Variants in ICA1L observed in about 807,000 individuals in gnomAD.
ICA1L encodes islet cell autoantigen 1-like protein.
Under a neutral mutation model 61.3 loss-of-function variants are expected in ICA1L, and 50 were observed. The ratio of observed to expected loss-of-function variants is 0.82; its 90% CI spans 0.65 to 1.03. The LOEUF is 1.03. Ranked by LOEUF, ICA1L falls within the 50% of genes least tolerant of loss-of-function variation. The probability of loss-of-function intolerance (pLI) is 0.00; values close to 1 mark genes in which losing one functional copy is unlikely to be tolerated. For synonymous variants in ICA1L, 161 were observed against 191.3 expected, an observed-to-expected ratio of 0.84 and a Z score of 1.31; for missense variants, 508 against 556.7, an observed-to-expected ratio of 0.91 and a Z score of 0.88.
intron 1 of ICA1L, among the ~76,000 whole-genome samples, chr2:202,868,668 C>T (rs771053183): frequency 6.6e-6 from 1 of 152,114 alleles, no homozygotes; most frequent in African/African-American, 2.4e-5. Context: ...TGACAGAATA[C>T]TATATAAAAC....
intron 1 of ICA1L, among the ~76,000 whole-genome samples, chr2:202,850,817 CA>C (rs1694595183): frequency 6.6e-6 from 1 of 152,008 alleles, no homozygotes; most frequent in East Asian, 1.9e-4. Context: ...TCAAGAAGAG[CA>C]ACCCCAAGAC....
At chr2:202,801,652 G>C (rs755245688) in intron 9 of ICA1L, among the ~76,000 whole-genome samples, 2 of 152,182 alleles carry the variant, frequency 1.3e-5, no homozygotes, top group African/African-American at 2.4e-5. Context: ...GGACTTGTTA[G>C]AAGTAAACAA....
intron 9 of ICA1L, among the ~76,000 whole-genome samples, chr2:202,804,796 A>G (rs1441750981): frequency 6.6e-6 from 1 of 152,228 alleles, no homozygotes; most frequent in Non-Finnish European, 1.5e-5. Context: ...AATTCAAATA[A>G]TTAGTGTCAT....
intron 9 of ICA1L, among the ~76,000 whole-genome samples, chr2:202,799,782 G>A (rs528647850): frequency 3.3e-5 from 5 of 151,464 alleles, no homozygotes; most frequent in African/African-American, 1.2e-4. Flanking sequence ...ATTTTGAGTT[G>A]ATTTTGTATA....
At chr2:202,855,854 T>C (rs1694751938) in intron 1 of ICA1L, among the ~76,000 whole-genome samples, 1 of 151,944 alleles carries the variant, frequency 6.6e-6, no homozygotes, top group South Asian at 2.1e-4. Context: ...GGCGGGCAGA[T>C]CACAAGGTCA....
In ICA1L at chr2:202,787,748, T is replaced by G. The variant is rs114348006; in HGVS notation, c.1243+1082A>C. 3.7e-3 allele frequency among the ~76,000 whole-genome samples: 571 copies of G among 152,294 alleles called. 7 individuals are homozygous for G. The highest frequency in any genetic ancestry group is 0.013 in the African/African-American group (538 of 41,570). On this transcript the variant is annotated intron_variant, in intron 11 of 12. Transcript: ENST00000358299. ...TGAAGTGCCGTGAGGGGTCCCCCCG[T>G]CCAGGGGTTAAAATCTAGGATGTGA...
At chr2:202,829,134 G>C (rs1446912693) in intron 1 of ICA1L, 118 bp from the exon 2 acceptor site, 3 of 690,916 alleles carry the variant, frequency 4.3e-6, no homozygotes, top group African/African-American at 1.9e-5. Flanking sequence ...GGATCACGCG[G>C]TCATGAGATC....
intron 1 of ICA1L, among the ~76,000 whole-genome samples, chr2:202,831,470 T>C (rs142231401): frequency 7.9e-4 from 120 of 152,312 alleles, no homozygotes; most frequent in African/African-American, 2.8e-3. Context: ...AGTCCAACTA[T>C]ATGACAAACT....
At chr2:202,787,626 CA>C (rs1288381180) in intron 11 of ICA1L, among the ~76,000 whole-genome samples, 3 of 152,156 alleles carry the variant, frequency 2.0e-5, no homozygotes, top group African/African-American at 7.2e-5. Context: ...ATAGAAAGTA[CA>C]AAGATGACTC....
At chr2:202,785,832 C>A in intron 12 of ICA1L, 86 bp downstream of exon 12, 1 of 740,320 alleles carries the variant, frequency 1.4e-6, no homozygotes, top group South Asian at 1.9e-5. Flanking sequence ...GAGGTGAAAA[C>A]AATATAAAGT....
At chr2:202,791,931 G>A (rs1170960511) in intron 10 of ICA1L, among the ~76,000 whole-genome samples, 1 of 152,098 alleles carries the variant, frequency 6.6e-6, no homozygotes, top group Non-Finnish European at 1.5e-5. Context: ...ACTTTGGAAG[G>A]CTGAGGCAGG....
At chr2:202,825,841 T>C (rs983441351) in intron 2 of ICA1L, 74 bp from the exon 3 acceptor site, 13 of 797,064 alleles carry the variant, frequency 1.6e-5, no homozygotes, top group Non-Finnish European at 2.4e-5. Flanking sequence ...CCCAAAAGCA[T>C]AACATTTTCT....
chr2:202,812,994 C>A (rs1693422134), intron 8 of ICA1L, among the ~76,000 whole-genome samples: 1 of 152,064 alleles, frequency 6.6e-6, no homozygotes, highest in African/African-American at 2.4e-5. Context: ...CGTGATGGCT[C>A]ACACCTGTAA....
At chr2:202,852,671 CAAAAAAAAAAAAAA>C (rs574400027) in intron 1 of ICA1L, among the ~76,000 whole-genome samples, 1 of 42,192 alleles carries the variant, frequency 2.4e-5, no homozygotes, top group Non-Finnish European at 4.2e-5. Flanking sequence ...GACTCTGTCT[CAAAAAAAAAAAAAA>C]AAAAAAAAAA....
In ICA1L at chr2:202,777,044, C is replaced by CTTTTTTTTTTTTT. The variant is rs562230381; in HGVS notation, c.*2476_*2488dup. On this transcript the variant is annotated 3_prime_UTR_variant, in exon 13 of 13. Transcript: ENST00000358299. ...ACAAACTCTCAAGACATAAAGTTAG[C>CTTTTTTTTTTTTT]TTTTTTTTTTTTTTTTTTTTTTTTT... The CTTTTTTTTTTTTT allele has an allele frequency of 7.4e-4, 51 of 68,586 alleles. 7 individuals carry two copies. Among genetic ancestry groups the CTTTTTTTTTTTTT allele is most frequent in the African/African-American group, 3.3e-3 (50 of 15,268 alleles). 4.2% of individuals were successfully genotyped at this position (68,586 alleles called of 1,614,324 possible).
At position 202,776,527 on chromosome 2, in the gene ICA1L, C is replaced by T. The variant is rs1459557995; in HGVS notation, c.*3006G>A. 6.6e-6 allele frequency: 1 copy of T among 152,180 alleles called. No individual in the cohort carries two copies. The highest frequency in any genetic ancestry group is 1.5e-5 in the Non-Finnish European group (1 of 68,048). The allele number at this position is 152,180 out of a possible 1,614,324, so 9.4% of individuals were successfully genotyped here. On this transcript the variant is annotated 3_prime_UTR_variant, in exon 13 of 13. Transcript: ENST00000358299. ...TCTGTGCTTATCCCGTCCTTTCCCT[C>T]GTTTCTTCAGTGTGGTGGTTTTTTA...
At chr2:202,814,658 C>G (rs1489104116) in intron 8 of ICA1L, 44 bp downstream of exon 8, 1 of 1,248,512 alleles carries the variant, frequency 8.0e-7, no homozygotes, top group Admixed American at 1.8e-5. Flanking sequence ...ATGATGGTAT[C>G]CAGGACTTCT....
At chr2:202,827,085 GGAA>G (rs763241781) in intron 2 of ICA1L, among the ~76,000 whole-genome samples, 1 of 152,174 alleles carries the variant, frequency 6.6e-6, no homozygotes, top group Non-Finnish European at 1.5e-5. Context: ...AAATGCATAT[GGAA>G]GAAGATTAGA....
At chr2:202,867,276 C>T (rs1488762475) in intron 1 of ICA1L, among the ~76,000 whole-genome samples, 1 of 152,116 alleles carries the variant, frequency 6.6e-6, no homozygotes, top group African/African-American at 2.4e-5. Flanking sequence ...CATTGCTTAA[C>T]TGTGGGGATA....
Sources: gnomAD v4.1 joint callset for allele counts (sites outside exome capture counted in the v4.1 genomes callset) on GRCh38, gnomAD v4.1.1 for gene constraint, MANE v1.5 for transcripts, NCBI Gene and HGNC (gene_info 2026-07-23, HGNC 2026-07-21) for gene names.